The following SEPTIN9 variants were observed in gnomAD, a reference collection of about 807,000 sequenced individuals.
SEPTIN9 encodes septin 9.
Under a neutral mutation model 56.6 loss-of-function variants are expected in SEPTIN9, and 13 were observed. The ratio of observed to expected loss-of-function variants is 0.23; its 90% confidence interval spans 0.15 to 0.37. SEPTIN9 has a LOEUF of 0.37. Ranked by LOEUF, SEPTIN9 falls within the 10% of genes least tolerant of loss-of-function variation. The pLI, the probability that SEPTIN9 is intolerant of heterozygous loss-of-function variation, is 1.00. For synonymous variants in SEPTIN9, 332 were observed against 334.1 expected, an observed-to-expected ratio of 0.99 and a Z score of 0.07; for missense variants, 650 against 823.1, an observed-to-expected ratio of 0.79 and a Z score of 2.57.
At chr17:77,488,106 A>T in intron 5 of SEPTIN9, 134 bp from the exon 6 acceptor site, 1 of 721,892 alleles carries the variant, frequency 1.4e-6, no homozygotes, top group South Asian at 1.5e-5. Context: ...TGGCTGAGGA[A>T]GGCCATTAAT....
chr17:77,281,564 G>C lies in SEPTIN9; in HGVS notation c.19+10G>C. ...AAGAAGTCTTACTCAGGTGGGCTTC[G>C]CGCCCGGGGTGGGGAGGGGTCGGTG... On this transcript the variant is annotated intron_variant, in intron 1 of 11. Coordinates refer to ENST00000427177, the MANE Select transcript of SEPTIN9 (RefSeq NM_001113491.2). The C allele has an allele frequency of 2.6e-6, 4 of 1,540,000 alleles. No homozygotes were observed. Among genetic ancestry groups the C allele is most frequent in the Non-Finnish European group, 3.5e-6 (4 of 1,142,780 alleles).
chr17:77,469,278 A>G (rs112034056), intron 3 of SEPTIN9: 250 of 153,126 alleles, frequency 1.6e-3, no homozygotes, highest in African/African-American at 5.6e-3. Context: ...AGGAGACGGC[A>G]GAGGCTGAGA....
Position 77,371,253 on chromosome 17 carries a change from C to A in SEPTIN9, c.77-30806C>A, listed in dbSNP as rs964797491. Among the ~76,000 whole-genome samples, 1 of 152,212 alleles carries A rather than the reference C, an allele frequency of 6.6e-6. No individual in the cohort carries two copies. Among genetic ancestry groups the A allele is most frequent in the Non-Finnish European group, 1.5e-5 (1 of 68,038 alleles). Reference sequence around the variant, plus strand: ...CTCTGAGCACAGTCACGAAGGCATGCGCACTTTCTGGCTGCTCTCCTGCCA... The same window carrying A: ...CTCTGAGCACAGTCACGAAGGCATGAGCACTTTCTGGCTGCTCTCCTGCCA... On this transcript the variant is annotated intron_variant, in intron 2 of 11. Coordinates refer to ENST00000427177, the MANE Select transcript of SEPTIN9 (RefSeq NM_001113491.2). This position sits in a 1 kb window ranked among gnomAD's most constrained non-coding sequence, Gnocchi z 4.1.
intron 3 of SEPTIN9, among the ~76,000 whole-genome samples, chr17:77,465,746 G>C (rs405291): frequency 0.037 from 5,637 of 152,134 alleles, 355 homozygotes; most frequent in African/African-American, 0.13. Flanking sequence ...CAAAGTTCGA[G>C]TGTCTTTTCT....
chr17:77,294,226 C>T (rs2031703122), intron 1 of SEPTIN9, among the ~76,000 whole-genome samples: 1 of 152,062 alleles, frequency 6.6e-6, no homozygotes, highest in African/African-American at 2.4e-5. Flanking sequence ...TGAAACCAGC[C>T]TGGTCAACAT....
intron 2 of SEPTIN9, among the ~76,000 whole-genome samples, chr17:77,342,342 G>C (rs1439031195): frequency 1.3e-5 from 2 of 152,272 alleles, no homozygotes; most frequent in East Asian, 3.9e-4. Context: ...AATGTCGGTA[G>C]GATCCGTAAG....
chr17:77,488,640 G>A, intron 6 of SEPTIN9, 87 bp from the exon 7 acceptor site: 2 of 1,552,072 alleles, frequency 1.3e-6, no homozygotes, highest in South Asian at 1.1e-5. Context: ...GGAAGGTGGG[G>A]TGTTGGGCTC....
intron 10 of SEPTIN9, among the ~76,000 whole-genome samples, chr17:77,496,825 C>T (rs949412469): frequency 1.3e-5 from 2 of 152,212 alleles, no homozygotes; most frequent in South Asian, 4.1e-4. Context: ...TGGATGGGGC[C>T]GTGGGGGTAA....
intron 2 of SEPTIN9, among the ~76,000 whole-genome samples, chr17:77,379,302 C>A (rs2035056002): frequency 6.6e-6 from 1 of 151,912 alleles, no homozygotes; most frequent in Non-Finnish European, 1.5e-5. Flanking sequence ...GCCTGAGCCC[C>A]CAGGGGTCAG....
intron 3 of SEPTIN9, among the ~76,000 whole-genome samples, chr17:77,432,905 C>G (rs1230064293): frequency 2.6e-5 from 4 of 152,210 alleles, no homozygotes; most frequent in Admixed American, 2.0e-4. Flanking sequence ...CTGTGGTCCC[C>G]CTCCCAGGAA....
intron 3 of SEPTIN9, chr17:77,454,268 A>T: frequency 1.0e-6 from 1 of 985,494 alleles, no homozygotes; most frequent in Non-Finnish European, 1.2e-6. Context: ...TTCCTGAGGG[A>T]CTTGTGGCCC....
intron 3 of SEPTIN9, among the ~76,000 whole-genome samples, chr17:77,414,691 C>T (rs2036435069): frequency 6.6e-6 from 1 of 151,608 alleles, no homozygotes; most frequent in African/African-American, 2.4e-5. Context: ...CATCCTCCCA[C>T]CATGGCCTCC....
At position 77,367,497 on chromosome 17, in the gene SEPTIN9, A is replaced by G. The variant is rs1006734209; in HGVS notation, c.77-34562A>G. 1.3e-5 allele frequency among the ~76,000 whole-genome samples: 2 copies of G among 152,070 alleles called. No individual in the cohort carries two copies. The highest frequency in any genetic ancestry group is 2.9e-5 in the Non-Finnish European group (2 of 68,006). On this transcript the variant is annotated intron_variant, in intron 2 of 11. Coordinates refer to ENST00000427177, the MANE Select transcript of SEPTIN9 (RefSeq NM_001113491.2). This position sits in a 1 kb window ranked among gnomAD's most constrained non-coding sequence, Gnocchi z 4.5. ...CTGTCTCAAGGGGTCTCATGGGACAATGGGAGAGTTGCTGTGATGTTTAAG... is the reference window on the plus strand; with the variant it reads ...CTGTCTCAAGGGGTCTCATGGGACAGTGGGAGAGTTGCTGTGATGTTTAAG...
chr17:77,466,418 G>C (rs544816130), intron 3 of SEPTIN9: 1 of 985,538 alleles, frequency 1.0e-6, no homozygotes, highest in African/African-American at 1.7e-5. Context: ...GGGCCTGGGA[G>C]GGGACAGGCT....
At chr17:77,455,220 G>A (rs2038146117) in intron 3 of SEPTIN9, among the ~76,000 whole-genome samples, 1 of 152,198 alleles carries the variant, frequency 6.6e-6, no homozygotes. Context: ...GAGCGCCCAA[G>A]ACTGCTCTTG....
intron 2 of SEPTIN9, among the ~76,000 whole-genome samples, chr17:77,346,278 C>CTTTTTTTTTTCTTTTTTTT (rs2033890103): frequency 2.2e-5 from 1 of 46,290 alleles, no homozygotes; most frequent in Non-Finnish European, 4.0e-5. Context: ...ATCCTTAGGT[C>CTTTTTTTTTTCTTTTTTTT]TTTTTTTTTT....
At position 77,324,429 on chromosome 17, in the gene SEPTIN9, C is replaced by A. The variant is rs146816867; in HGVS notation, c.76+17232C>A. On this transcript the variant is annotated intron_variant, in intron 2 of 11. Coordinates refer to ENST00000427177, the MANE Select transcript of SEPTIN9 (RefSeq NM_001113491.2). ...GGGGTGGCCTTTGGCCTTTTCCACT[C>A]GTTTCTGTGCTCCTGGTGAGGTGTC... 7.1e-4 allele frequency among the ~76,000 whole-genome samples: 108 copies of A among 152,250 alleles called. No homozygotes were observed. The East Asian group carries it at 0.018, about 26-fold the overall frequency.
Position 77,389,130 on chromosome 17 carries a change from C to T in SEPTIN9, c.77-12929C>T, listed in dbSNP as rs1482115418. 1.3e-5 allele frequency among the ~76,000 whole-genome samples: 2 copies of T among 152,120 alleles called. No homozygotes were observed. The highest frequency in any genetic ancestry group is 2.9e-5 in the Non-Finnish European group (2 of 68,008). The stretch of plus-strand genomic sequence containing the variant: ...GCTTCCCATCCATGGGAAGAAGCAC[C>T]GAGCAGCCTTGCTGGCTCCTCGCAG... On this transcript the variant is annotated intron_variant, in intron 2 of 11. Coordinates refer to ENST00000427177, the MANE Select transcript of SEPTIN9 (RefSeq NM_001113491.2). This position sits in a 1 kb window ranked among gnomAD's most constrained non-coding sequence, Gnocchi z 4.3.
At chr17:77,304,136 T>C (rs774756440) in intron 1 of SEPTIN9, among the ~76,000 whole-genome samples, 1 of 152,192 alleles carries the variant, frequency 6.6e-6, no homozygotes, top group Non-Finnish European at 1.5e-5. Flanking sequence ...AATAATTAGG[T>C]CCAAGGAGCT....
Sources: gnomAD v4.1 joint callset for allele counts (sites outside exome capture counted in the v4.1 genomes callset) on GRCh38, gnomAD v4.1.1 for gene constraint, Gnocchi (gnomAD v3.1) non-coding constraint, MANE v1.5 for transcripts, NCBI Gene and HGNC (gene_info 2026-07-23, HGNC 2026-07-21) for gene names.